The following PVT1 variants were observed in gnomAD, a reference collection of about 807,000 sequenced individuals.
The protein encoded by PVT1 is CXCR4/PVT1 fusion.
intron 2 of PVT1, among the ~76,000 whole-genome samples, chr8:127,841,519 C>G (rs1400163439): frequency 6.6e-6 from 1 of 151,920 alleles, no homozygotes; most frequent in East Asian, 2.0e-4. Flanking sequence ...AGTGATCTGC[C>G]CACTTCAGCG....
chr8:128,043,704 TCC>T (rs1813572908), intron 4 of PVT1, among the ~76,000 whole-genome samples: 1 of 152,100 alleles, frequency 6.6e-6, no homozygotes, highest in African/African-American at 2.4e-5. Flanking sequence ...TCTTTGTGTG[TCC>T]GTATGTGTGT....
At chr8:127,811,264 T>A (rs1814591862) in intron 2 of PVT1, among the ~76,000 whole-genome samples, 1 of 152,224 alleles carries the variant, frequency 6.6e-6, no homozygotes, top group Admixed American at 6.5e-5. Context: ...CCTTTTAAAA[T>A]ATAAACTCTC....
chr8:128,021,292 T>TTTTTTTTTC, intron 4 of PVT1, among the ~76,000 whole-genome samples: 1 of 134,048 alleles, frequency 7.5e-6, no homozygotes, highest in Non-Finnish European at 1.6e-5. Flanking sequence ...GACTTGTGCT[T>TTTTTTTTTC]TTTTTTTTTT....
intron 4 of PVT1, among the ~76,000 whole-genome samples, chr8:128,016,358 G>C (rs1817374109): frequency 1.3e-5 from 2 of 152,104 alleles, no homozygotes; most frequent in South Asian, 4.1e-4. Flanking sequence ...GTGAGGTTGG[G>C]TTTGTGAACC....
intron 3 of PVT1, among the ~76,000 whole-genome samples, chr8:127,924,459 G>A (rs1424467728): frequency 2.7e-5 from 4 of 149,408 alleles, no homozygotes; most frequent in Non-Finnish European, 4.4e-5. Context: ...TCAGCCTCCC[G>A]AGTAGCTGAG....
rs887855248 is a variant in PVT1, at chr8:127,950,901, T to G, written n.783-38261T>G. 1.1e-4 allele frequency among the ~76,000 whole-genome samples: 17 copies of G among 152,180 alleles called. 1 individual carries two copies. Among genetic ancestry groups the G allele is most frequent in the Admixed American group, 3.3e-4 (5 of 15,288 alleles). On this transcript the variant is annotated intron_variant and non_coding_transcript_variant, in intron 3 of 10. Coordinates refer to ENST00000651587, the Ensembl canonical transcript of PVT1. ...ATATGGGAATGCAAGCCACTGTCTT[T>G]TCTTTTCTTTTTTCCAAATGGAGTC...
At chr8:127,904,477 T>C (rs558360857) in intron 3 of PVT1, among the ~76,000 whole-genome samples, 3 of 152,278 alleles carry the variant, frequency 2.0e-5, no homozygotes, top group African/African-American at 7.2e-5. Flanking sequence ...ATGATGTTGA[T>C]GATGATGATG....
At chr8:127,885,905 C>T (rs1371007280) in intron 2 of PVT1, among the ~76,000 whole-genome samples, 3 of 152,070 alleles carry the variant, frequency 2.0e-5, no homozygotes, top group Non-Finnish European at 1.5e-5. Context: ...AGCCATCTTC[C>T]TCTTGGGTCT....
intron 5 of PVT1, among the ~76,000 whole-genome samples, chr8:128,088,141 C>G (rs1367825790): frequency 1.3e-5 from 2 of 152,112 alleles, no homozygotes; most frequent in Non-Finnish European, 2.9e-5. Flanking sequence ...AGAAAATATT[C>G]TGAGTAAGCA....
chr8:127,948,375 G>A (rs898516453), intron 3 of PVT1: 36 of 172,650 alleles, frequency 2.1e-4, no homozygotes, highest in African/African-American at 8.5e-4. Context: ...CCATCTCCTA[G>A]CTGTCATCCA....
At chr8:127,876,253 AGT>A (rs56039408) in intron 2 of PVT1, among the ~76,000 whole-genome samples, 2,144 of 149,118 alleles carry the variant, frequency 0.014, 30 homozygotes, top group East Asian at 0.036. Flanking sequence ...CCCAAACAGC[AGT>A]GTGTGTGTGT....
At chr8:128,025,425 C>T (rs567465611) in intron 4 of PVT1, among the ~76,000 whole-genome samples, 2 of 152,168 alleles carry the variant, frequency 1.3e-5, no homozygotes, top group Admixed American at 1.3e-4. Context: ...GTGCACAGAA[C>T]AAACACTGGC....
intron 4 of PVT1, chr8:128,049,094 G>A (rs943603500): frequency 1.2e-5 from 6 of 508,376 alleles, no homozygotes; most frequent in Admixed American, 9.0e-5. Context: ...CTTATCAGAG[G>A]CCCTGAGGAA....
intron 4 of PVT1, among the ~76,000 whole-genome samples, chr8:128,043,830 CTTTTTTT>C (rs1158046188): frequency 8.6e-6 from 1 of 116,294 alleles, no homozygotes; most frequent in Non-Finnish European, 1.8e-5. Flanking sequence ...AACATCTTGT[CTTTTTTT>C]TTTTTTTTTT....
chr8:128,090,752 AC>A (rs1251949097), intron 5 of PVT1, among the ~76,000 whole-genome samples: 1 of 152,140 alleles, frequency 6.6e-6, no homozygotes, highest in Non-Finnish European at 1.5e-5. Flanking sequence ...TCCCCACTAT[AC>A]CACTGAGACA....
chr8:127,953,799 C>CTTTTCTTTT (rs1271562706), intron 3 of PVT1, among the ~76,000 whole-genome samples: 23 of 152,046 alleles, frequency 1.5e-4, no homozygotes, highest in Admixed American at 5.2e-4. Flanking sequence ...TTTTTTTCTT[C>CTTTTCTTTT]TTTTCTTTCC....
intron 5 of PVT1, among the ~76,000 whole-genome samples, chr8:128,090,432 G>A (rs1814336084): frequency 6.6e-6 from 1 of 152,178 alleles, no homozygotes; most frequent in South Asian, 2.1e-4. Flanking sequence ...TGGCAATGGA[G>A]GGAAGAGAAA....
At chr8:127,796,235 G>T (rs573600066) in intron 2 of PVT1, among the ~76,000 whole-genome samples, 8 of 151,892 alleles carry the variant, frequency 5.3e-5, no homozygotes, top group Non-Finnish European at 1.0e-4. Flanking sequence ...ATAGAAGTCC[G>T]TTTTTGTTTT....
At chr8:127,990,921 C>A (rs1817029793) in intron 4 of PVT1, among the ~76,000 whole-genome samples, 1 of 152,140 alleles carries the variant, frequency 6.6e-6, no homozygotes. Flanking sequence ...TCTCGTGACT[C>A]TTGAAAGATG....
Sources: allele counts gnomAD v4.1 joint callset (sites outside exome capture counted in the v4.1 genomes callset), GRCh38; gene constraint gnomAD v4.1.1; transcripts MANE v1.5; gene names NCBI Gene and HGNC (gene_info 2026-07-23, HGNC 2026-07-21).